Variants in ICA1L observed in about 807,000 individuals in gnomAD.
ICA1L encodes islet cell autoantigen 1-like protein.
A neutral mutation model predicts 61.3 loss-of-function variants in ICA1L; 50 were observed. That is an observed-to-expected ratio of 0.82 (90% CI 0.65 to 1.03). The LOEUF (loss-of-function observed/expected upper bound fraction) is 1.03. Ranked by LOEUF, ICA1L falls within the 50% of genes least tolerant of loss-of-function variation. The pLI, the probability that ICA1L is intolerant of heterozygous loss-of-function variation, is 0.00. For synonymous variants in ICA1L, 161 were observed against 191.3 expected (o/e 0.84, Z 1.31); for missense variants, 508 against 556.7 (o/e 0.91, Z 0.88).
intron 1 of ICA1L, among the ~76,000 whole-genome samples, chr2:202,847,835 A>G (rs1187284125): frequency 1.3e-5 from 2 of 151,918 alleles, no homozygotes; most frequent in Admixed American, 6.6e-5. Context: ...CAACCTAGAT[A>G]CACATCAACA....
At chr2:202,866,580 C>G (rs1365864637) in intron 1 of ICA1L, among the ~76,000 whole-genome samples, 2 of 152,154 alleles carry the variant, frequency 1.3e-5, no homozygotes, top group African/African-American at 4.8e-5. Flanking sequence ...AAAAGAATTG[C>G]TCAACTCTTA....
intron 8 of ICA1L, among the ~76,000 whole-genome samples, chr2:202,813,244 G>A (rs1305717161): frequency 7.0e-6 from 1 of 142,952 alleles, no homozygotes; most frequent in Admixed American, 7.1e-5. Context: ...TGGAGAAAAA[G>A]AGTGAGACTC....
intron 11 of ICA1L, among the ~76,000 whole-genome samples, chr2:202,788,188 G>C (rs1279379481): frequency 1.3e-5 from 2 of 152,170 alleles, no homozygotes; most frequent in African/African-American, 4.8e-5. Context: ...TGCTTGAAGA[G>C]AGAATTCCAC....
chr2:202,861,095 T>G (rs1415329496), intron 1 of ICA1L, among the ~76,000 whole-genome samples: 1 of 152,066 alleles, frequency 6.6e-6, no homozygotes, highest in Non-Finnish European at 1.5e-5. Flanking sequence ...CTGGGTGTGG[T>G]GGCGGGTGCC....
intron 1 of ICA1L, among the ~76,000 whole-genome samples, chr2:202,836,068 C>T (rs1392072398): frequency 6.6e-6 from 1 of 152,060 alleles, no homozygotes; most frequent in Non-Finnish European, 1.5e-5. Context: ...AATGGAAGCG[C>T]TGAAAGTGGG....
chr2:202,859,823 C>T (rs1183110578), intron 1 of ICA1L, among the ~76,000 whole-genome samples: 1 of 152,028 alleles, frequency 6.6e-6, no homozygotes, highest in Non-Finnish European at 1.5e-5. Context: ...CCTATAGAAC[C>T]CTGAAAACTT....
At chr2:202,846,796 A>G (rs1442788499) in intron 1 of ICA1L, among the ~76,000 whole-genome samples, 1 of 152,234 alleles carries the variant, frequency 6.6e-6, no homozygotes, top group East Asian at 1.9e-4. Flanking sequence ...TTATGTAGCA[A>G]TCTTACCTGA....
intron 12 of ICA1L, among the ~76,000 whole-genome samples, chr2:202,785,196 G>T (rs1692541018): frequency 6.6e-6 from 1 of 150,580 alleles, no homozygotes; most frequent in Admixed American, 6.6e-5. Flanking sequence ...TCCAGCCTGG[G>T]TGACAGCGAG....
At position 202,857,383 on chromosome 2, in the gene ICA1L, C is replaced by T. The variant is rs193119716; in HGVS notation, c.-8+14236G>A. ...AAAAACAAGCAATGGGGAAAGGAGTCCCTATTTAATAAATGGTGTGGGGAA... is the reference window on the plus strand; with the variant it reads ...AAAAACAAGCAATGGGGAAAGGAGTTCCTATTTAATAAATGGTGTGGGGAA... On this transcript the variant is annotated intron_variant, in intron 1 of 12. Coordinates refer to ENST00000358299, the MANE Select transcript of ICA1L (RefSeq NM_001288622.3). Among the ~76,000 whole-genome samples the T allele has an allele frequency of 2.6e-4, 39 of 152,176 alleles. 1 individual carries two copies. Among genetic ancestry groups the T allele is most frequent in the Admixed American group, 2.2e-3 (33 of 15,284 alleles).
intron 9 of ICA1L, among the ~76,000 whole-genome samples, chr2:202,797,239 A>C (rs752480408): frequency 2.0e-5 from 3 of 151,714 alleles, no homozygotes; most frequent in Non-Finnish European, 4.4e-5. Context: ...GAAATGTAAA[A>C]GTTTTCACAT....
intron 1 of ICA1L, chr2:202,841,427 G>T: frequency 1.7e-6 from 2 of 1,182,754 alleles, no homozygotes; most frequent in Non-Finnish European, 2.5e-6. Context: ...TTGGTCTCCA[G>T]CATCTTGTTC....
chr2:202,836,161 A>G (rs1181279642), intron 1 of ICA1L, among the ~76,000 whole-genome samples: 1 of 152,184 alleles, frequency 6.6e-6, no homozygotes, highest in Non-Finnish European at 1.5e-5. Context: ...CTTGTCATAC[A>G]AGGCCTTTAT....
At position 202,853,838 on chromosome 2, in the gene ICA1L, A is replaced by G. The variant is rs1222616912; in HGVS notation, c.-8+17781T>C. Among the ~76,000 whole-genome samples the G allele has an allele frequency of 9.9e-5, 15 of 152,260 alleles. No individual in the cohort carries two copies. In the East Asian group the frequency reaches 2.9e-3, roughly 29 times the overall value. ...AATAAAATCCTTTACAGACAAGTAA[A>G]CGCTGAGGGATTTTGTCACCACCAG... On this transcript the variant is annotated intron_variant, in intron 1 of 12. Coordinates refer to ENST00000358299, the MANE Select transcript of ICA1L (RefSeq NM_001288622.3).
intron 1 of ICA1L, among the ~76,000 whole-genome samples, chr2:202,863,413 G>T (rs760788234): frequency 4.6e-5 from 7 of 152,006 alleles, no homozygotes; most frequent in Non-Finnish European, 1.0e-4. Flanking sequence ...AGTAAATAGA[G>T]AATGGACAAA....
At position 202,840,458 on chromosome 2, in the gene ICA1L, C is replaced by G. The variant is rs143109276; in HGVS notation, c.-7-11442G>C. On this transcript the variant is annotated intron_variant, in intron 1 of 12. Coordinates refer to ENST00000358299, the MANE Select transcript of ICA1L (RefSeq NM_001288622.3). ...GATGGAGCCCATGCCAGAGCCAAAG[C>G]TGGAGCCGAGGCCATAGCTGAGGCT... The G allele has an allele frequency of 5.6e-4, 281 of 500,608 alleles. No homozygotes were observed. In the East Asian group the frequency reaches 0.013, roughly 23 times the overall value. 31.0% of individuals were successfully genotyped at this position (500,608 alleles called of 1,614,324 possible).
chr2:202,854,427 G>A (rs142552927), intron 1 of ICA1L, among the ~76,000 whole-genome samples: 3,360 of 152,110 alleles, frequency 0.022, 114 homozygotes, highest in African/African-American at 0.07. Flanking sequence ...ACTTAGACTC[G>A]CACACAATAA....
chr2:202,800,748 C>T (rs1217985046), intron 9 of ICA1L, among the ~76,000 whole-genome samples: 1 of 152,026 alleles, frequency 6.6e-6, no homozygotes, highest in Non-Finnish European at 1.5e-5. Flanking sequence ...AGCTCTATTA[C>T]ACTATTATTA....
At chr2:202,805,178 G>A (rs1693192379) in intron 9 of ICA1L, among the ~76,000 whole-genome samples, 1 of 152,108 alleles carries the variant, frequency 6.6e-6, no homozygotes, top group South Asian at 2.1e-4. Flanking sequence ...CAGACAAAAA[G>A]TACAGTAGTG....
At chr2:202,863,001 G>GAA (rs112881860) in intron 1 of ICA1L, among the ~76,000 whole-genome samples, 1 of 147,412 alleles carries the variant, frequency 6.8e-6, no homozygotes, top group Non-Finnish European at 1.5e-5. Context: ...ACCTACATTA[G>GAA]AAAAAAAAAG....
Sources: allele counts gnomAD v4.1 joint callset (sites outside exome capture counted in the v4.1 genomes callset), GRCh38; gene constraint gnomAD v4.1.1; transcripts MANE v1.5; gene names NCBI Gene and HGNC (gene_info 2026-07-23, HGNC 2026-07-21).